The following MPPED2 variants were observed in gnomAD, a reference collection of about 807,000 sequenced individuals.
The protein encoded by MPPED2 is metallophosphoesterase MPPED2.
MPPED2 carries 5 observed loss-of-function variants against 33.0 expected under a neutral mutation model. The observed-to-expected ratio is 0.15, with a 90% CI of 0.08 to 0.32. The LOEUF is 0.32. MPPED2 is among the 10% of genes least tolerant of loss of function. The pLI is 1.00. For synonymous variants in MPPED2, 136 were observed against 141.9 expected (o/e 0.96, Z 0.29); for missense variants, 275 against 372.1 (o/e 0.74, Z 2.15).
intron 4 of MPPED2, among the ~76,000 whole-genome samples, chr11:30,449,670 G>A (rs1328346347): frequency 2.0e-5 from 3 of 152,098 alleles, no homozygotes; most frequent in East Asian, 3.9e-4. Context: ...AGCAGATACA[G>A]GAAAAGTTAT....
intron 3 of MPPED2, among the ~76,000 whole-genome samples, chr11:30,535,260 C>T (rs758147061): frequency 2.0e-5 from 3 of 152,104 alleles, no homozygotes; most frequent in Non-Finnish European, 2.9e-5. Flanking sequence ...CCCAGAGTGA[C>T]GTCTGCTCTT....
At chr11:30,455,225 G>A (rs879817857) in intron 4 of MPPED2, among the ~76,000 whole-genome samples, 1 of 152,180 alleles carries the variant, frequency 6.6e-6, no homozygotes, top group Non-Finnish European at 1.5e-5. Context: ...CCCTGGCTTG[G>A]CTGGTGCTCA....
At chr11:30,480,920 T>C (rs1308474404) in intron 4 of MPPED2, among the ~76,000 whole-genome samples, 1 of 152,082 alleles carries the variant, frequency 6.6e-6, no homozygotes, top group African/African-American at 2.4e-5. Context: ...AGGTCAGTTT[T>C]TGTCCCTTGA....
intron 4 of MPPED2, among the ~76,000 whole-genome samples, chr11:30,457,272 C>G (rs1007318847): frequency 6.6e-6 from 1 of 151,830 alleles, no homozygotes; most frequent in Non-Finnish European, 1.5e-5. Flanking sequence ...GTGACAGGTT[C>G]CAATAATGAA....
chr11:30,393,504 C>T lies in MPPED2; in HGVS notation c.767-4548G>A, dbSNP rs1947804680. Among the ~76,000 whole-genome samples, 4 of 152,196 alleles carry T rather than the reference C, an allele frequency of 2.6e-5. No individual in the cohort carries two copies. In the South Asian group the frequency reaches 8.3e-4, roughly 32 times the overall value. On this transcript the variant is annotated intron_variant, in intron 6 of 6. Coordinates refer to the MPPED2 transcript ENST00000448418. ...TCCAGGGATGGTTTGGCACAACCTC[C>T]TGCAATTTCCTATCCTGCTTACCTG...
At position 30,410,757 on chromosome 11, in the gene MPPED2, T is replaced by A; in HGVS notation, c.*711A>T. 1.0e-6 allele frequency: 1 copy of A among 985,060 alleles called. No homozygotes were observed. Among genetic ancestry groups the A allele is most frequent in the Non-Finnish European group, 1.2e-6 (1 of 829,176 alleles). The allele number at this position is 985,060 out of a possible 1,614,324, so 61.0% of individuals were successfully genotyped here. On this transcript the variant is annotated 3_prime_UTR_variant, in exon 7 of 7. Coordinates refer to ENST00000358117, the MANE Select transcript of MPPED2 (RefSeq NM_001584.3). ...AAAAGGAGTCTGCATGTTCATTTTT[T>A]TAACCGTATGAAATACCTGCTCTTG... is the stretch of plus-strand genomic sequence containing the variant.
chr11:30,504,546 T>C (rs983644258), intron 3 of MPPED2, among the ~76,000 whole-genome samples: 1 of 152,150 alleles, frequency 6.6e-6, no homozygotes, highest in African/African-American at 2.4e-5. Context: ...GAAGAATGCT[T>C]AGCACTTAGT....
At chr11:30,388,731 C>A (rs557991339) in exon 7 of MPPED2, 1 of 958,232 alleles carries the variant, frequency 1.0e-6, no homozygotes, top group East Asian at 3.0e-5. Context: ...GCTTCCCTGT[C>A]GCCTCCTCCT....
At chr11:30,500,478 A>T (rs1307436535) in intron 3 of MPPED2, among the ~76,000 whole-genome samples, 1 of 152,202 alleles carries the variant, frequency 6.6e-6, no homozygotes, top group African/African-American at 2.4e-5. Context: ...TAAACTGTGG[A>T]CGCAGCATGG....
chr11:30,550,548 A>G (rs1196778782), intron 2 of MPPED2, among the ~76,000 whole-genome samples: 1 of 152,196 alleles, frequency 6.6e-6, no homozygotes, highest in Non-Finnish European at 1.5e-5. Flanking sequence ...GGTAATTTTT[A>G]AAAGCACTTG....
At chr11:30,511,085 C>T (rs1217865030) in intron 3 of MPPED2, among the ~76,000 whole-genome samples, 2 of 152,146 alleles carry the variant, frequency 1.3e-5, no homozygotes, top group African/African-American at 4.8e-5. Context: ...TTTTCGAATC[C>T]TGTAGCATTG....
At chr11:30,458,705 G>A (rs1006684053) in intron 4 of MPPED2, among the ~76,000 whole-genome samples, 1 of 152,090 alleles carries the variant, frequency 6.6e-6, no homozygotes, top group Non-Finnish European at 1.5e-5. Flanking sequence ...GTGCTAAAGT[G>A]CCAATTTCCT....
intron 3 of MPPED2, among the ~76,000 whole-genome samples, chr11:30,506,280 C>G (rs866014559): frequency 6.6e-6 from 1 of 152,050 alleles, no homozygotes; most frequent in Non-Finnish European, 1.5e-5. Context: ...CTCAGCTGAT[C>G]CCCTCAGCCC....
intron 2 of MPPED2, among the ~76,000 whole-genome samples, chr11:30,537,328 G>A (rs1954862560): frequency 6.6e-6 from 1 of 152,154 alleles, no homozygotes; most frequent in East Asian, 1.9e-4. Context: ...AATATGCAAT[G>A]CAGAGATTAG....
At position 30,542,346 on chromosome 11, in the gene MPPED2, G is replaced by T. The variant is rs554699387; in HGVS notation, c.129-6171C>A. Reference sequence around the variant, plus strand: ...AAATAAACACGAGCCAGGTTCGGTGGCTCATGTCTGTAATCCCAGCACTTT... The same window carrying T: ...AAATAAACACGAGCCAGGTTCGGTGTCTCATGTCTGTAATCCCAGCACTTT... On this transcript the variant is annotated intron_variant, in intron 2 of 6. Coordinates refer to ENST00000358117, the MANE Select transcript of MPPED2 (RefSeq NM_001584.3). Among the ~76,000 whole-genome samples, 8 of 151,530 alleles carry T rather than the reference G, an allele frequency of 5.3e-5. No homozygotes were observed. In the South Asian group the frequency reaches 1.5e-3, roughly 28 times the overall value.
intron 4 of MPPED2, among the ~76,000 whole-genome samples, chr11:30,468,346 A>C (rs766656324): frequency 6.6e-6 from 1 of 152,068 alleles, no homozygotes; most frequent in Non-Finnish European, 1.5e-5. Flanking sequence ...ACCACCTAAG[A>C]TTGTGTCACA....
intron 4 of MPPED2, among the ~76,000 whole-genome samples, chr11:30,485,118 T>C (rs559204283): frequency 1.3e-5 from 2 of 152,238 alleles, no homozygotes; most frequent in East Asian, 3.9e-4. Flanking sequence ...CCATGAAAAA[T>C]ATACAGAAGT....
At chr11:30,553,835 C>A (rs1160360378) in intron 2 of MPPED2, among the ~76,000 whole-genome samples, 1 of 152,080 alleles carries the variant, frequency 6.6e-6, no homozygotes, top group Non-Finnish European at 1.5e-5. Flanking sequence ...GTAAGGATTG[C>A]AGAATTATTG....
In MPPED2 at chr11:30,426,973, G is replaced by A. The variant is rs11031076; in HGVS notation, c.537-9340C>T. Among the ~76,000 whole-genome samples, 1,170 of 152,256 alleles carry A rather than the reference G, an allele frequency of 7.7e-3. 10 individuals are homozygous for A. Among genetic ancestry groups the A allele is most frequent in the African/African-American group, 0.027 (1,113 of 41,554 alleles). On this transcript the variant is annotated intron_variant, in intron 4 of 6. Coordinates refer to ENST00000358117, the MANE Select transcript of MPPED2 (RefSeq NM_001584.3). ...CAGAGACTGAGCCTGCAAGGGTGGC[G>A]TGTGTCACATGCCTGGCTGGCTCCA...
Sources: allele counts gnomAD v4.1 joint callset (sites outside exome capture counted in the v4.1 genomes callset), GRCh38; gene constraint gnomAD v4.1.1; transcripts MANE v1.5; gene names NCBI Gene and HGNC (gene_info 2026-07-23, HGNC 2026-07-21).